TLK1: variants seen among roughly 807,000 people sequenced by gnomAD.
The protein encoded by TLK1 is serine/threonine-protein kinase tousled-like 1.
Under a neutral mutation model 105.3 loss-of-function variants are expected in TLK1, and 24 were observed. The ratio of observed to expected loss-of-function variants is 0.23; its 90% confidence interval spans 0.17 to 0.32. TLK1 has a LOEUF of 0.32. Ranked by LOEUF, TLK1 falls within the 10% of genes least tolerant of loss-of-function variation. The probability of loss-of-function intolerance (pLI) is 1.00; values close to 1 mark genes in which losing one functional copy is unlikely to be tolerated. For synonymous variants in TLK1, 321 were observed against 310.4 expected (o/e 1.03, Z -0.36); for missense variants, 558 against 910.5 (o/e 0.61, Z 4.98).
intron 1 of TLK1, among the ~76,000 whole-genome samples, chr2:171,139,926 G>T (rs771416691): frequency 4.6e-5 from 7 of 152,108 alleles, no homozygotes; most frequent in Non-Finnish European, 7.3e-5. Flanking sequence ...TAGATCCCTC[G>T]CATGTGCAGT....
chr2:171,117,032 G>A (rs1006334181), intron 2 of TLK1, among the ~76,000 whole-genome samples: 1 of 152,152 alleles, frequency 6.6e-6, no homozygotes, highest in Non-Finnish European at 1.5e-5. Flanking sequence ...GTCTATCACT[G>A]AAAGGCTGAA....
At chr2:171,161,092 G>C (rs1558976216), upstream of TLK1, among the ~76,000 whole-genome samples, 1 of 148,038 alleles carries the variant, frequency 6.8e-6, no homozygotes, top group Non-Finnish European at 1.5e-5. Flanking sequence ...CTAGAGCGCC[G>C]GGGCGCCCCT....
At chr2:171,211,835 A>G (rs937384178) in intron 1 of TLK1, among the ~76,000 whole-genome samples, 4 of 146,296 alleles carry the variant, frequency 2.7e-5, no homozygotes, top group Non-Finnish European at 4.5e-5. Flanking sequence ...GGCGTGAGCC[A>G]CTGTGCCCGG....
chr2:171,060,123 A>G, intron 4 of TLK1: 1 of 1,377,558 alleles, frequency 7.3e-7, no homozygotes, highest in Admixed American at 2.7e-5. Flanking sequence ...CAATTTAGGC[A>G]ACCATCCTAA....
At chr2:171,014,782 G>T in intron 13 of TLK1, 69 bp downstream of exon 13, 1 of 1,148,622 alleles carries the variant, frequency 8.7e-7, no homozygotes, top group Non-Finnish European at 1.3e-6. Flanking sequence ...GAAATATTGT[G>T]TTTATGCTCT....
chr2:171,186,026 T>C (rs1693018653), intron 1 of TLK1, among the ~76,000 whole-genome samples: 1 of 152,236 alleles, frequency 6.6e-6, no homozygotes, highest in South Asian at 2.1e-4. Flanking sequence ...ATTGTCCAGC[T>C]TGTTCACTCA....
intron 1 of TLK1, among the ~76,000 whole-genome samples, chr2:171,198,480 T>G (rs75220721): frequency 0.013 from 1,951 of 152,194 alleles, 35 homozygotes; most frequent in African/African-American, 0.041. Context: ...CATTCAAAAC[T>G]GCAAGGAAAA....
chr2:171,132,758 C>A (rs1691154595), intron 1 of TLK1, among the ~76,000 whole-genome samples: 1 of 152,140 alleles, frequency 6.6e-6, no homozygotes, highest in African/African-American at 2.4e-5. Context: ...CCCAACTACT[C>A]AAGAGATTGA....
In TLK1 at chr2:171,009,291, CTTTTTTTTTTTTTT is replaced by C. The variant is rs71008743; in HGVS notation, c.1416+2068_1416+2081del. 5.1e-4 allele frequency among the ~76,000 whole-genome samples: 38 copies of C among 74,840 alleles called. 1 individual carries two copies. Among genetic ancestry groups the C allele is most frequent in the South Asian group, 1.4e-3 (2 of 1,386 alleles). The allele number at this position is 74,840 out of a possible 152,430, so 49.1% of individuals were successfully genotyped here. A position where few individuals can be genotyped will look rare whatever the true frequency, so the allele number is the denominator to read the frequency against. On this transcript the variant is annotated intron_variant, in intron 14 of 20. Transcript: ENST00000431350. ...CATGCAACAGTCAGGATTTCTTTTCCTTTTTTTTTTTTTTTTTTTTTTTTTTTTGAGAGAAAATG... is the reference window on the plus strand; with the variant it reads ...CATGCAACAGTCAGGATTTCTTTTCCTTTTTTTTTTTTTTGAGAGAAAATG...
At chr2:171,210,725 T>A (rs1321410993) in intron 1 of TLK1, among the ~76,000 whole-genome samples, 1 of 152,168 alleles carries the variant, frequency 6.6e-6, no homozygotes, top group Non-Finnish European at 1.5e-5. Flanking sequence ...CTGAACCACC[T>A]AGAGACTAAA....
At chr2:171,008,086 C>G (rs536373089) in intron 14 of TLK1, among the ~76,000 whole-genome samples, 6 of 152,138 alleles carry the variant, frequency 3.9e-5, no homozygotes, top group African/African-American at 1.4e-4. Context: ...ATCAATTTAA[C>G]CTAAAAATAA....
At chr2:171,211,845 G>A (rs1403075554) in intron 1 of TLK1, among the ~76,000 whole-genome samples, 1 of 149,162 alleles carries the variant, frequency 6.7e-6, no homozygotes, top group Non-Finnish European at 1.5e-5. Context: ...ACTGTGCCCG[G>A]CCTCTTTTTT....
At chr2:171,209,683 G>C (rs1477807053) in intron 1 of TLK1, among the ~76,000 whole-genome samples, 1 of 152,124 alleles carries the variant, frequency 6.6e-6, no homozygotes, top group Non-Finnish European at 1.5e-5. Context: ...AGGTCATTAG[G>C]TGAGCCCTAA....
intron 2 of TLK1, among the ~76,000 whole-genome samples, chr2:171,087,017 T>C (rs1010849046): frequency 2.0e-5 from 3 of 152,008 alleles, no homozygotes; most frequent in African/African-American, 4.8e-5. Context: ...CAGGGAGACA[T>C]AGCTTAAATT....
intron 5 of TLK1, 122 bp from the exon 6 acceptor site, chr2:171,056,688 G>A (rs1332797829): frequency 3.1e-6 from 2 of 646,320 alleles, no homozygotes; most frequent in Non-Finnish European, 4.8e-6. Context: ...CATTTAAATG[G>A]GTCCAGAACA....
chr2:171,164,057 A>G (rs1312948562), upstream of TLK1, among the ~76,000 whole-genome samples: 15 of 152,202 alleles, frequency 9.9e-5, no homozygotes. Context: ...CAGATTGGCT[A>G]TGTTTATTTT....
intron 2 of TLK1, among the ~76,000 whole-genome samples, chr2:171,093,832 A>G (rs1689342773): frequency 6.6e-6 from 1 of 152,270 alleles, no homozygotes; most frequent in South Asian, 2.1e-4. Flanking sequence ...TAAGTTGATC[A>G]CTTCTGCATA....
At chr2:171,070,314 A>G (rs1219890751) in intron 3 of TLK1, among the ~76,000 whole-genome samples, 1 of 150,314 alleles carries the variant, frequency 6.7e-6, no homozygotes, top group Non-Finnish European at 1.5e-5. Context: ...TTTTTTTTAA[A>G]TATACAATTA....
chr2:171,022,086 A>AACACAC (rs557803785), intron 12 of TLK1, among the ~76,000 whole-genome samples: 5,306 of 102,942 alleles, frequency 0.052, 331 homozygotes, highest in African/African-American at 0.14. Context: ...CTGGGCGAAA[A>AACACAC]ACACACACAC....
Sources: gnomAD v4.1 joint callset for allele counts (sites outside exome capture counted in the v4.1 genomes callset) on GRCh38, gnomAD v4.1.1 for gene constraint, MANE v1.5 for transcripts, NCBI Gene and HGNC (gene_info 2026-07-23, HGNC 2026-07-21) for gene names.